Variants in TXLNG observed in about 807,000 individuals in gnomAD.
TXLNG encodes gamma-taxilin.
Under a neutral mutation model 38.8 loss-of-function variants are expected in TXLNG, and 5 were observed. The ratio of observed to expected loss-of-function variants is 0.13; its 90% confidence interval spans 0.07 to 0.27. TXLNG has a LOEUF of 0.27. TXLNG is among the 10% of genes least tolerant of loss of function. The pLI, the probability that TXLNG is intolerant of heterozygous loss-of-function variation, is 1.00. For missense variants in TXLNG, 393 were observed against 398.2 expected (o/e 0.99, Z 0.11); for synonymous variants, 182 against 158.2 (o/e 1.15, Z -1.13).
intron 1 of TXLNG, among the ~76,000 whole-genome samples, chrX:16,816,493 A>G (rs747657215): frequency 6.2e-5 from 7 of 112,693 alleles, no homozygotes; most frequent in Non-Finnish European, 1.3e-4. Context: ...AATTTTTGAA[A>G]AACTTTATGG....
chrX:16,822,385 G>T (rs965103582), intron 3 of TXLNG, among the ~76,000 whole-genome samples: 11 of 111,114 alleles, frequency 9.9e-5, no homozygotes, highest in African/African-American at 3.6e-4. Context: ...TTTATGAAGT[G>T]GTCCAGGTAT....
intron 1 of TXLNG, among the ~76,000 whole-genome samples, chrX:16,812,533 A>G (rs1279261289): frequency 2.9e-5 from 3 of 104,562 alleles, no homozygotes; most frequent in Non-Finnish European, 5.8e-5. Flanking sequence ...AGCTGGGATT[A>G]CAGGTGTGTG....
chrX:16,801,488 A>G (rs1230763020), intron 1 of TXLNG, among the ~76,000 whole-genome samples: 1 of 112,028 alleles, frequency 8.9e-6, no homozygotes, highest in Non-Finnish European at 1.9e-5. Context: ...GCTCGGCCTC[A>G]GGCATTCTTT....
At chrX:16,801,889 C>G (rs139189458) in intron 1 of TXLNG, among the ~76,000 whole-genome samples, 1 of 109,306 alleles carries the variant, frequency 9.1e-6, no homozygotes, top group Non-Finnish European at 1.9e-5. Context: ...TTGGCCTAAC[C>G]GTTGCATAAT....
rs1483658261 is a variant in TXLNG, at chrX:16,834,987, C to T, written c.1059+630C>T. 3.2e-4 allele frequency among the ~76,000 whole-genome samples: 34 copies of T among 107,496 alleles called. 1 individual carries two copies. The highest frequency in any genetic ancestry group is 4.8e-3 in the Middle Eastern group (1 of 209). 93.3% of individuals were successfully genotyped at this position (107,496 alleles called of 115,157 possible). A position where few individuals can be genotyped will look rare whatever the true frequency, so the allele number is the denominator to read the frequency against. On this transcript the variant is annotated intron_variant, in intron 7 of 9. Coordinates refer to ENST00000380122, the MANE Select transcript of TXLNG (RefSeq NM_018360.3). The stretch of plus-strand genomic sequence containing the variant: ...GGTGTTTTTCATCAGGGCCCTCCCT[C>T]TTGTTCATTCCAGACCCTGTAAGTG...
At chrX:16,835,889 T>C (rs1929576650) in intron 7 of TXLNG, among the ~76,000 whole-genome samples, 1 of 112,542 alleles carries the variant, frequency 8.9e-6, no homozygotes, top group African/African-American at 3.2e-5. Flanking sequence ...TGTGTGATAA[T>C]AGTGGCCACT....
At chrX:16,810,336 TGAG>T (rs746924492) in intron 1 of TXLNG, among the ~76,000 whole-genome samples, 1 of 111,779 alleles carries the variant, frequency 8.9e-6, no homozygotes, top group East Asian at 2.8e-4. Flanking sequence ...ATTCTCTGGT[TGAG>T]GAGATGAGGT....
chrX:16,807,847 A>G (rs1928385394), intron 1 of TXLNG, among the ~76,000 whole-genome samples: 1 of 111,790 alleles, frequency 8.9e-6, no homozygotes, highest in Admixed American at 9.7e-5. Flanking sequence ...AGTTGAAATA[A>G]TTAGGAAGTG....
intron 3 of TXLNG, among the ~76,000 whole-genome samples, chrX:16,823,656 T>A (rs1198857337): frequency 9.0e-6 from 1 of 110,649 alleles, no homozygotes; most frequent in Non-Finnish European, 1.9e-5. Context: ...GTGGAGCAGT[T>A]GGAATGGATT....
At chrX:16,819,506 A>C (rs1473940915) in intron 2 of TXLNG, among the ~76,000 whole-genome samples, 1 of 111,264 alleles carries the variant, frequency 9.0e-6, no homozygotes, top group Non-Finnish European at 1.9e-5. Context: ...CTTAAGAAAT[A>C]AAAGATTACC....
chrX:16,836,230 C>A (rs762793293), intron 7 of TXLNG, among the ~76,000 whole-genome samples: 1 of 112,108 alleles, frequency 8.9e-6, no homozygotes, highest in Non-Finnish European at 1.9e-5. Context: ...CCACTGCACT[C>A]CAGCCTGAGC....
chrX:16,819,044 C>T (rs770032012), intron 2 of TXLNG, among the ~76,000 whole-genome samples, 167 bp downstream of exon 2: 1 of 109,845 alleles, frequency 9.1e-6, no homozygotes, highest in Admixed American at 9.8e-5. Flanking sequence ...GTGCAGGAGG[C>T]GAAAACAGCA....
chrX:16,797,468 C>A (rs1927931496), intron 1 of TXLNG, among the ~76,000 whole-genome samples: 2 of 111,661 alleles, frequency 1.8e-5, no homozygotes, highest in African/African-American at 6.5e-5. Flanking sequence ...GAAGGCTTGA[C>A]TGGGAAAGAT....
intron 1 of TXLNG, among the ~76,000 whole-genome samples, chrX:16,802,821 CTTTT>C (rs561657297): frequency 3.4e-5 from 3 of 87,365 alleles, no homozygotes; most frequent in Non-Finnish European, 2.3e-5. Context: ...TTCTTTCTTT[CTTTT>C]TTTTTTTTTT....
At chrX:16,795,074 G>C (rs1927833139) in intron 1 of TXLNG, among the ~76,000 whole-genome samples, 1 of 110,161 alleles carries the variant, frequency 9.1e-6, no homozygotes, top group Admixed American at 9.8e-5. Context: ...TCAGGAGATC[G>C]AGACCATCCT....
chrX:16,831,857 A>G (rs954244995), intron 5 of TXLNG, among the ~76,000 whole-genome samples: 1 of 111,943 alleles, frequency 8.9e-6, no homozygotes, highest in African/African-American at 3.2e-5. Flanking sequence ...TACTTCACCA[A>G]CCAGCATTTT....
intron 1 of TXLNG, among the ~76,000 whole-genome samples, 157 bp downstream of exon 1, chrX:16,786,746 G>C (rs1304583212): frequency 1.8e-5 from 2 of 108,783 alleles, no homozygotes; most frequent in South Asian, 8.0e-4. Context: ...GGAGCAGGTG[G>C]GGGGGGGTGG....
chrX:16,786,759 C>T (rs1206683473), intron 1 of TXLNG, among the ~76,000 whole-genome samples, 170 bp downstream of exon 1: 5 of 103,362 alleles, frequency 4.8e-5, no homozygotes, highest in African/African-American at 1.8e-4. Flanking sequence ...GGGGGTGGGA[C>T]CGCGATGGAT....
At chrX:16,840,979 G>A (rs925655507) in intron 9 of TXLNG, among the ~76,000 whole-genome samples, 1 of 110,982 alleles carries the variant, frequency 9.0e-6, no homozygotes, top group African/African-American at 3.3e-5. Context: ...GGCAGATCAC[G>A]AGGTCAGGAA....
Sources: gnomAD v4.1 joint callset for allele counts (sites outside exome capture counted in the v4.1 genomes callset) on GRCh38, gnomAD v4.1.1 for gene constraint, MANE v1.5 for transcripts, NCBI Gene and HGNC (gene_info 2026-07-23, HGNC 2026-07-21) for gene names.